The following QRICH2 variants were observed in gnomAD, a reference collection of about 807,000 sequenced individuals.
The protein encoded by QRICH2 is glutamine-rich protein 2.
Under a neutral mutation model 168.3 loss-of-function variants are expected in QRICH2, and 119 were observed. The ratio of observed to expected loss-of-function variants is 0.71; its 90% CI spans 0.61 to 0.82. The LOEUF is 0.82. Ranked by LOEUF, QRICH2 falls within the 40% of genes least tolerant of loss-of-function variation. The pLI is 0.00. For missense variants in QRICH2, 2,241 were observed against 2,491.6 expected, an observed-to-expected ratio of 0.90 and a Z score of 2.14; for synonymous variants, 894 against 951.2, an observed-to-expected ratio of 0.94 and a Z score of 1.11.
rs2070997905 is a variant in QRICH2, at chr17:76,291,771, T to C, written c.2956A>G (p.Thr986Ala). The change falls in exon 4 of 19, where the codon ACA becomes GCA. Residue 986 changes from threonine (T) to alanine (A), a missense_variant. Around this residue, in one of 3 missense-constraint regions of QRICH2, gnomAD observed 2,047 missense variants for 2,303.8 expected, o/e 0.89. Transcript: ENST00000680821. The stretch of plus-strand genomic sequence containing the variant: ...AATGTTGAAGAGCCACGAAGCTTTG[T>C]GCCTGGTGCTATCAAGCCTGGCTGA... ...AYQPGLIAPG[T>A]KLRGSSTFQA... The C allele has an allele frequency of 1.2e-6, 2 of 1,614,072 alleles. No homozygotes were observed. Among genetic ancestry groups the C allele is most frequent in the African/African-American group, 1.3e-5 (1 of 74,936 alleles).
At chr17:76,282,197 CTG>C in intron 7 of QRICH2, 82 bp from the exon 8 acceptor site, 1 of 1,482,428 alleles carries the variant, frequency 6.7e-7, no homozygotes, top group Non-Finnish European at 9.0e-7. Context: ...TGCCCCTAGC[CTG>C]TGTGCCTCTC....
chr17:76,278,974 C>T, intron 14 of QRICH2, 67 bp downstream of exon 14: 2 of 1,337,008 alleles, frequency 1.5e-6, no homozygotes, highest in Non-Finnish European at 2.1e-6. Flanking sequence ...CATCCCTGTC[C>T]CCTGCCTTCC....
chr17:76,292,155 G>A lies in QRICH2; in HGVS notation c.2572C>T (p.Gln858Ter), dbSNP rs140261388. The change falls in exon 4 of 19, where the codon CAG becomes TAG. Residue 858 changes from glutamine (Q) to a stop codon, truncating the protein, a stop_gained. Transcript: ENST00000680821. LOFTEE classifies it high-confidence loss of function. ...ACTCCAGGTTGGACCAAACCACGCTGATCTGCACCAGGTTGGACCAAACCA... is the reference window on the plus strand; with the variant it reads ...ACTCCAGGTTGGACCAAACCACGCTAATCTGCACCAGGTTGGACCAAACCA... Reference protein sequence around the residue: ...QHGLVQPGADQRGLVQPGVDQ... With the variant: ...QHGLVQPGAD 3 of 1,522,138 alleles carry A rather than the reference G, an allele frequency of 2.0e-6. No homozygotes were observed. The highest frequency in any genetic ancestry group is 1.4e-5 in the African/African-American group (1 of 70,700). The allele number at this position is 1,522,138 out of a possible 1,614,324, so 94.3% of individuals were successfully genotyped here.
At chr17:76,309,124 G>A (rs1462563854), upstream of QRICH2, among the ~76,000 whole-genome samples, 16 of 149,182 alleles carry the variant, frequency 1.1e-4, no homozygotes, top group East Asian at 2.0e-4. Context: ...TTGGGAGGCC[G>A]AGGCGGGTGG....
chr17:76,308,202 C>T lies in QRICH2; in HGVS notation c.-204G>A, dbSNP rs1346210330. ...CCGGCGGGGTCCGCGATGGCCACCCCTCCGCTGTCTGTCGCTGGCCTCGGG... is the reference window on the plus strand; with the variant it reads ...CCGGCGGGGTCCGCGATGGCCACCCTTCCGCTGTCTGTCGCTGGCCTCGGG... On this transcript the variant is annotated 5_prime_UTR_variant, in exon 1 of 19. Coordinates refer to ENST00000680821, the MANE Select transcript of QRICH2 (RefSeq NM_001388453.1). The T allele has an allele frequency of 3.0e-6, 3 of 985,448 alleles. No homozygotes were observed. Among genetic ancestry groups the T allele is most frequent in the Non-Finnish European group, 3.6e-6 (3 of 829,916 alleles). 61.0% of individuals were successfully genotyped at this position (985,448 alleles called of 1,614,324 possible).
chr17:76,286,048 G>A (rs2143227864), intron 7 of QRICH2, among the ~76,000 whole-genome samples: 1 of 151,410 alleles, frequency 6.6e-6, no homozygotes, highest in East Asian at 2.0e-4. Flanking sequence ...GGTGGCAGGT[G>A]CCTGTAGTCC....
intron 5 of QRICH2, 35 bp from the exon 6 acceptor site, chr17:76,287,932 C>T (rs1211690337): frequency 5.8e-6 from 9 of 1,551,312 alleles, no homozygotes; most frequent in Non-Finnish European, 8.0e-6. Flanking sequence ...GTCAGGCAGG[C>T]CTGAGCTCCC....
chr17:76,275,826 G>A lies in QRICH2; in HGVS notation c.5475C>T (p.Asn1825=), dbSNP rs761230011. 3.7e-6 allele frequency: 6 copies of A among 1,605,860 alleles called. No individual in the cohort carries two copies. The African/African-American group carries it at 4.0e-5, about 11-fold the overall frequency. ...CACCCAGAGGGAAGCTACCTGAGGT[G>A]TTGCCAGCCGAAATCTGGGCGCTCT... ...RPQSAQISAG[N]TSVSSRQQKD... Residue 1825 remains asparagine (N), a synonymous_variant, in exon 18 of 19, where the codon AAC becomes AAT. Transcript: ENST00000680821.
intron 5 of QRICH2, 92 bp downstream of exon 5, chr17:76,289,900 G>A (rs1379390973): frequency 6.3e-6 from 5 of 790,892 alleles, no homozygotes; most frequent in South Asian, 2.8e-5. Context: ...TGAGTGAGCT[G>A]AGATGGTGCC....
chr17:76,277,984 T>G lies in QRICH2; in HGVS notation c.5117+5A>C. 6.2e-7 allele frequency: 1 copy of G among 1,610,088 alleles called. No homozygotes were observed. The highest frequency in any genetic ancestry group is 8.5e-7 in the Non-Finnish European group (1 of 1,179,986). On this transcript the variant is annotated splice_donor_5th_base_variant and intron_variant, in intron 15 of 18. Transcript: ENST00000680821. ...CTCCCATGGCCTCGCCCGCCTCTCC[T>G]GTACCGTTTGTAGCAGGGGGAGCCC...
At position 76,298,211 on chromosome 17, in the gene QRICH2, T is replaced by C. The variant is rs528221350; in HGVS notation, c.706-4190A>G. Among the ~76,000 whole-genome samples the C allele has an allele frequency of 2.8e-4, 31 of 108,830 alleles. No individual in the cohort carries two copies. In the East Asian group the frequency reaches 9.0e-3, roughly 32 times the overall value. 71.4% of individuals were successfully genotyped at this position (108,830 alleles called of 152,430 possible). ...TTTTTTTTTTTTTTTTGAGACGGAG[T>C]CTCACTCTGTCACCCAGGCTGGAGT... is the stretch of plus-strand genomic sequence containing the variant. On this transcript the variant is annotated intron_variant, in intron 3 of 18. Transcript: ENST00000680821.
At chr17:76,309,225 G>A (rs534076647), upstream of QRICH2, among the ~76,000 whole-genome samples, 44 of 150,274 alleles carry the variant, frequency 2.9e-4, no homozygotes, top group South Asian at 1.1e-3. Context: ...GCATGGTACC[G>A]CGCATCTGTA....
intron 3 of QRICH2, among the ~76,000 whole-genome samples, chr17:76,301,208 C>G (rs1218006386): frequency 1.3e-5 from 2 of 150,822 alleles, no homozygotes; most frequent in South Asian, 2.1e-4. Flanking sequence ...CAGAGCAAGA[C>G]TGTCTCAAAA....
chr17:76,292,763 G>T lies in QRICH2; in HGVS notation c.1964C>A (p.Thr655Lys). ...TGQHDLVQSGTGQGVLVQPGV... is the reference protein window; with the variant it reads ...TGQHDLVQSGKGQGVLVQPGV... Reference sequence around the variant, plus strand: ...AGGCTGTACCAAGACACCCTGACCTGTGCCAGATTGGACCAAATCATGCTG... The same window carrying T: ...AGGCTGTACCAAGACACCCTGACCTTTGCCAGATTGGACCAAATCATGCTG... Residue 655 changes from threonine (T) to lysine (K), a missense_variant, in exon 4 of 19, where the codon ACA becomes AAA. Coordinates refer to ENST00000680821, the MANE Select transcript of QRICH2 (RefSeq NM_001388453.1). 1 of 1,611,988 alleles carries T rather than the reference G, an allele frequency of 6.2e-7. No individual in the cohort carries two copies. The highest frequency in any genetic ancestry group is 1.1e-5 in the South Asian group (1 of 91,012).
At chr17:76,294,117 A>C in intron 3 of QRICH2, 96 bp from the exon 4 acceptor site, 1 of 1,467,306 alleles carries the variant, frequency 6.8e-7, no homozygotes, top group Non-Finnish European at 9.1e-7. Context: ...AGGATGATTT[A>C]GGGCCCCTGG....
rs2070900585 is a variant in QRICH2 at position 76,287,079 on chromosome 17, CACACACACAT to C, written c.4011+103_4011+112del. On this transcript the variant is annotated intron_variant, in intron 7 of 18. Coordinates refer to ENST00000680821, the MANE Select transcript of QRICH2 (RefSeq NM_001388453.1). ...ACACACACACACACACACACACACA[CACACACACAT>C]GATGGGAGGGACCTAGTTTTTGATG... is the stretch of plus-strand genomic sequence containing the variant. 57 of 308,232 alleles carry C rather than the reference CACACACACAT, an allele frequency of 1.8e-4. 6 individuals are homozygous for C. The highest frequency in any genetic ancestry group is 1.3e-3 in the Middle Eastern group (2 of 1,580). 19.1% of individuals were successfully genotyped at this position (308,232 alleles called of 1,614,324 possible).
upstream of QRICH2, chr17:76,310,750 G>A (rs1372079144): frequency 6.6e-6 from 1 of 151,184 alleles, no homozygotes; most frequent in African/African-American, 2.4e-5. Context: ...GATTATAGGT[G>A]TGAGCCACCA....
At position 76,277,557 on chromosome 17, in the gene QRICH2, TAC is replaced by T. The variant is rs373786067; in HGVS notation, c.5118-249_5118-248del. Among the ~76,000 whole-genome samples, 26 of 151,768 alleles carry T rather than the reference TAC, an allele frequency of 1.7e-4. No homozygotes were observed. In the South Asian group the frequency reaches 2.1e-3, roughly 12 times the overall value. On this transcript the variant is annotated intron_variant, in intron 15 of 18. Coordinates refer to ENST00000680821, the MANE Select transcript of QRICH2 (RefSeq NM_001388453.1). ...ACCCACACACTCACACATGTACTCA[TAC>T]ACACAGTCACACACACACATACATG... is the stretch of plus-strand genomic sequence containing the variant.
rs530385041 is a variant in QRICH2, at chr17:76,304,357, A to G, written c.705+58T>C. On this transcript the variant is annotated intron_variant, in intron 3 of 18. Coordinates refer to ENST00000680821, the MANE Select transcript of QRICH2 (RefSeq NM_001388453.1). ...AACAGAATCCTGTGCAGCTGTACAA[A>G]GCGAGAAGTTCTGGGGAGCCCCACC... The G allele has an allele frequency of 1.9e-5, 20 of 1,071,362 alleles. No individual in the cohort carries two copies. In the South Asian group the frequency reaches 2.1e-4, roughly 11 times the overall value. 66.4% of individuals were successfully genotyped at this position (1,071,362 alleles called of 1,614,324 possible).
Sources: allele counts gnomAD v4.1 joint callset (sites outside exome capture counted in the v4.1 genomes callset), GRCh38; gene constraint gnomAD v4.1.1; regional missense constraint gnomAD v4.1.1; transcripts MANE v1.5; gene names NCBI Gene and HGNC (gene_info 2026-07-23, HGNC 2026-07-21).